Variants in PTPRD observed in about 807,000 individuals in gnomAD.
PTPRD encodes the protein receptor-type tyrosine-protein phosphatase delta.
Under a neutral mutation model 214.5 loss-of-function variants are expected in PTPRD, and 34 were observed. That is an observed-to-expected ratio of 0.16 (90% CI 0.12 to 0.21). The LOEUF (loss-of-function observed/expected upper bound fraction) is 0.21. PTPRD is among the 10% of genes least tolerant of loss of function. The pLI is 1.00. For synonymous variants in PTPRD, 1,128 were observed against 845.7 expected (o/e 1.33, Z -5.79); for missense variants, 2,545 against 2,398.7 (o/e 1.06, Z -1.27).
At chr9:9,920,074 A>G (rs1379441871) in intron 5 of PTPRD, among the ~76,000 whole-genome samples, 1 of 152,088 alleles carries the variant, frequency 6.6e-6, no homozygotes, top group Non-Finnish European at 1.5e-5. Flanking sequence ...GCAATTTTCA[A>G]ATTTCTTAGA....
intron 8 of PTPRD, among the ~76,000 whole-genome samples, chr9:9,407,710 T>G (rs2073996888): frequency 6.6e-6 from 1 of 151,810 alleles, no homozygotes; most frequent in Non-Finnish European, 1.5e-5. Context: ...CTGTAAAATT[T>G]GGAATCAGAG....
At chr9:9,119,068 T>C (rs550463937) in intron 10 of PTPRD, among the ~76,000 whole-genome samples, 1 of 152,206 alleles carries the variant, frequency 6.6e-6, no homozygotes, top group Non-Finnish European at 1.5e-5. Flanking sequence ...ACAAATGTAA[T>C]CTTTTCTTCA....
rs1377160611 is a variant in PTPRD, at chr9:10,309,467, C to T, written c.-545+31496G>A. On this transcript the variant is annotated intron_variant, in intron 3 of 45. Coordinates refer to ENST00000381196, the MANE Select transcript of PTPRD (RefSeq NM_002839.4). Reference sequence around the variant, plus strand: ...TCCCGGGTTCAATCGATTCTCCTGCCTCAGCCTCCTGAGTAGCTCGGACTA... The same window carrying T: ...TCCCGGGTTCAATCGATTCTCCTGCTTCAGCCTCCTGAGTAGCTCGGACTA... Among the ~76,000 whole-genome samples, 7 of 151,870 alleles carry T rather than the reference C, an allele frequency of 4.6e-5. No homozygotes were observed. The East Asian group carries it at 1.4e-3, about 29-fold the overall frequency.
chr9:9,481,279 G>A (rs1458563210), intron 8 of PTPRD, among the ~76,000 whole-genome samples: 1 of 152,106 alleles, frequency 6.6e-6, no homozygotes, highest in Non-Finnish European at 1.5e-5. Context: ...GTCCAACAGA[G>A]GCAGATTCAA....
chr9:10,486,250 T>G (rs2099132320), intron 2 of PTPRD, among the ~76,000 whole-genome samples: 1 of 152,194 alleles, frequency 6.6e-6, no homozygotes, highest in Non-Finnish European at 1.5e-5. Flanking sequence ...TCATGAAGTC[T>G]TTGCCCACGC....
chr9:8,576,026 C>T (rs749194254), intron 14 of PTPRD, among the ~76,000 whole-genome samples: 4 of 152,160 alleles, frequency 2.6e-5, no homozygotes, highest in Admixed American at 6.5e-5. Flanking sequence ...TAAATCCCCA[C>T]ATGTTGTAAT....
At chr9:9,573,486 G>T (rs1185449114) in intron 8 of PTPRD, among the ~76,000 whole-genome samples, 1 of 150,742 alleles carries the variant, frequency 6.6e-6, no homozygotes, top group Non-Finnish European at 1.5e-5. Context: ...CACTAAAACT[G>T]CGCACTTAAG....
chr9:10,482,235 G>T (rs1161800178), intron 2 of PTPRD, among the ~76,000 whole-genome samples: 1 of 151,882 alleles, frequency 6.6e-6, no homozygotes, highest in South Asian at 2.1e-4. Flanking sequence ...GCCGGGCGTG[G>T]TGGCGGGTGC....
intron 3 of PTPRD, among the ~76,000 whole-genome samples, chr9:10,298,355 C>A (rs578088021): frequency 8.6e-5 from 13 of 150,814 alleles, no homozygotes; most frequent in Non-Finnish European, 1.0e-4. Context: ...AACCTATTTG[C>A]CAAATTAGAG....
chr9:8,826,845 A>G (rs2097185814), intron 11 of PTPRD, among the ~76,000 whole-genome samples: 1 of 152,178 alleles, frequency 6.6e-6, no homozygotes. Context: ...GTCTCTGACA[A>G]CTTCTCCCAA....
chr9:10,491,229 GA>G (rs2040112741), intron 2 of PTPRD, among the ~76,000 whole-genome samples: 1 of 152,036 alleles, frequency 6.6e-6, no homozygotes, highest in Non-Finnish European at 1.5e-5. Flanking sequence ...TTCTTATATT[GA>G]AAAATGCAAC....
chr9:9,212,581 A>G (rs1357967593), intron 9 of PTPRD, among the ~76,000 whole-genome samples: 1 of 152,196 alleles, frequency 6.6e-6, no homozygotes, highest in Non-Finnish European at 1.5e-5. Flanking sequence ...AATACCCTAC[A>G]CAGCCAGTCA....
At chr9:9,309,636 T>C (rs988555323) in intron 9 of PTPRD, among the ~76,000 whole-genome samples, 6 of 152,140 alleles carry the variant, frequency 3.9e-5, no homozygotes, top group African/African-American at 1.2e-4. Flanking sequence ...TAACCCACCA[T>C]ACACAGTATA....
intron 10 of PTPRD, among the ~76,000 whole-genome samples, chr9:9,099,543 G>A (rs1253458976): frequency 2.6e-5 from 4 of 152,236 alleles, no homozygotes; most frequent in Non-Finnish European, 2.9e-5. Context: ...CAGTGTCAAA[G>A]CCCATATAAC....
chr9:9,500,955 G>C lies in PTPRD; in HGVS notation c.-237+73777C>G, dbSNP rs900180891. On this transcript the variant is annotated intron_variant, in intron 8 of 45. Transcript: ENST00000381196. ...TTGCAAGTACACACTGATAAGTTAAGGATAAATATTATAATCCCTAGAGCA... is the reference window on the plus strand; with the variant it reads ...TTGCAAGTACACACTGATAAGTTAACGATAAATATTATAATCCCTAGAGCA... 4.6e-5 allele frequency among the ~76,000 whole-genome samples: 7 copies of C among 151,792 alleles called. No individual in the cohort carries two copies. The East Asian group carries it at 1.4e-3, about 29-fold the overall frequency.
chr9:10,401,619 A>G (rs2098271076), intron 2 of PTPRD, among the ~76,000 whole-genome samples: 1 of 148,022 alleles, frequency 6.8e-6, no homozygotes, highest in Admixed American at 6.8e-5. Flanking sequence ...ATAACAGTAT[A>G]TCTATAGTAT....
chr9:9,054,207 G>C (rs2099692053), intron 10 of PTPRD, among the ~76,000 whole-genome samples: 2 of 152,100 alleles, frequency 1.3e-5, no homozygotes, highest in Admixed American at 6.6e-5. Context: ...ATTTTACATA[G>C]TGCAAAATTG....
chr9:10,352,188 T>C lies in PTPRD; in HGVS notation c.-599-11171A>G, dbSNP rs183234593. 9.2e-5 allele frequency among the ~76,000 whole-genome samples: 14 copies of C among 152,182 alleles called. No homozygotes were observed. The East Asian group carries it at 1.5e-3, about 17-fold the overall frequency. On this transcript the variant is annotated intron_variant, in intron 2 of 45. Coordinates refer to ENST00000381196, the MANE Select transcript of PTPRD (RefSeq NM_002839.4). ...TGAAACTAAATTGAGTTTTCTTCAC[T>C]GGATTTTTAAGAAATCACTGTACTA...
chr9:9,267,909 A>G (rs979869960), intron 9 of PTPRD, among the ~76,000 whole-genome samples: 2 of 151,262 alleles, frequency 1.3e-5, no homozygotes, highest in African/African-American at 4.8e-5. Flanking sequence ...TGACCAGCCC[A>G]TAGCTAACGT....
Sources: allele counts gnomAD v4.1 joint callset (sites outside exome capture counted in the v4.1 genomes callset), GRCh38; gene constraint gnomAD v4.1.1; transcripts MANE v1.5; gene names NCBI Gene and HGNC (gene_info 2026-07-23, HGNC 2026-07-21).